The following EVC2 variants were observed in gnomAD, a reference collection of about 807,000 sequenced individuals.
EVC2 encodes the protein EvC ciliary complex subunit 2.
A neutral mutation model predicts 149.3 loss-of-function variants in EVC2; 148 were observed. That is an observed-to-expected ratio of 0.99 (90% confidence interval 0.87 to 1.14). The LOEUF is 1.14. EVC2 is among the 50% of genes most tolerant of loss of function. The probability of loss-of-function intolerance (pLI) is 0.00; values close to 1 mark genes in which losing one functional copy is unlikely to be tolerated. For missense variants in EVC2, 1,854 were observed against 1,627.3 expected (o/e 1.14, Z -2.40); for synonymous variants, 776 against 649.9 (o/e 1.19, Z -2.95).
intron 9 of EVC2, among the ~76,000 whole-genome samples, chr4:5,653,763 G>C (rs892367623): frequency 2.0e-5 from 3 of 152,208 alleles, no homozygotes; most frequent in Admixed American, 2.0e-4. Context: ...TTCTCTCAAT[G>C]TTTCTATAAA....
At chr4:5,573,675 A>G (rs985590673) in intron 19 of EVC2, among the ~76,000 whole-genome samples, 8 of 152,214 alleles carry the variant, frequency 5.3e-5, no homozygotes, top group Non-Finnish European at 1.0e-4. Flanking sequence ...AGCTGTGATA[A>G]GCTGCTGTTT....
chr4:5,707,368 C>T (rs1256814184), intron 1 of EVC2, among the ~76,000 whole-genome samples: 1 of 152,122 alleles, frequency 6.6e-6, no homozygotes, highest in Non-Finnish European at 1.5e-5. Flanking sequence ...CAGCAGGACA[C>T]GACCCACCAC....
At chr4:5,590,186 C>T (rs1210280500) in intron 16 of EVC2, among the ~76,000 whole-genome samples, 1 of 152,148 alleles carries the variant, frequency 6.6e-6, no homozygotes, top group Non-Finnish European at 1.5e-5. Context: ...AGAACCCATA[C>T]TGCAGAGGCC....
chr4:5,651,936 A>G (rs1577209381), intron 9 of EVC2, among the ~76,000 whole-genome samples: 1 of 152,248 alleles, frequency 6.6e-6, no homozygotes, highest in African/African-American at 2.4e-5. Context: ...ATATCTGATG[A>G]TTATAATCAG....
rs1017636621 is a variant in EVC2 at position 5,657,240 on chromosome 4, C to T, written c.1145+5867G>A. 5.9e-5 allele frequency among the ~76,000 whole-genome samples: 9 copies of T among 152,192 alleles called. No individual in the cohort carries two copies. Among genetic ancestry groups the T allele is most frequent in the Non-Finnish European group, 1.5e-5 (1 of 68,042 alleles). ...CTGCTTCACACTTTTTACATTCCCA[C>T]CTTTTCCTCCTCTGCTGTCCTCACC... On this transcript the variant is annotated intron_variant, in intron 9 of 21. Coordinates refer to ENST00000344408, the MANE Select transcript of EVC2 (RefSeq NM_147127.5). The surrounding 1 kb of genome is among the most constrained non-coding windows in gnomAD (Gnocchi z 4.7).
chr4:5,642,040 T>A (rs865790982), intron 9 of EVC2, among the ~76,000 whole-genome samples: 1 of 140,896 alleles, frequency 7.1e-6, no homozygotes, highest in Non-Finnish European at 1.5e-5. Context: ...ACATGCAGTG[T>A]TTGGTTTTCT....
At chr4:5,656,923 C>A (rs6847154) in intron 9 of EVC2, among the ~76,000 whole-genome samples, 4 of 152,052 alleles carry the variant, frequency 2.6e-5, no homozygotes, top group Non-Finnish European at 5.9e-5. Context: ...GCTCTGGTTC[C>A]GGTACCAGGA....
chr4:5,565,399 C>T (rs758216305), intron 20 of EVC2, 40 bp from the exon 21 acceptor site: 2 of 1,586,442 alleles, frequency 1.3e-6, no homozygotes, highest in African/African-American at 2.7e-5. Flanking sequence ...CAAAAATACG[C>T]CTGTAATCCC....
At chr4:5,701,636 G>T (rs1171570986) in intron 1 of EVC2, among the ~76,000 whole-genome samples, 1 of 152,122 alleles carries the variant, frequency 6.6e-6, no homozygotes, top group African/African-American at 2.4e-5. Flanking sequence ...AGATGTTAAA[G>T]GTCATTTATA....
chr4:5,609,205 C>T (rs183737651), intron 16 of EVC2, among the ~76,000 whole-genome samples: 1 of 152,162 alleles, frequency 6.6e-6, no homozygotes, highest in Admixed American at 6.5e-5. Context: ...ATCTATCTAC[C>T]CTCTTACCTC....
chr4:5,532,609 G>C, the EVC2 span, among the ~76,000 whole-genome samples: 1 of 152,172 alleles, frequency 6.6e-6, no homozygotes, highest in Non-Finnish European at 1.5e-5. Context: ...GCCGGGGTCA[G>C]TTGTGTCCTT....
intron 16 of EVC2, among the ~76,000 whole-genome samples, chr4:5,588,773 T>G (rs1007331909): frequency 1.3e-5 from 2 of 152,238 alleles, no homozygotes; most frequent in Non-Finnish European, 2.9e-5. Flanking sequence ...CTTCCATATC[T>G]ATACTTAACC....
chr4:5,689,007 G>A, intron 5 of EVC2, 150 bp downstream of exon 5: 3 of 820,998 alleles, frequency 3.7e-6, no homozygotes. Flanking sequence ...CTCTTTTTTT[G>A]ATACCCTGAT....
chr4:5,655,753 A>G (rs1266924751), intron 9 of EVC2, among the ~76,000 whole-genome samples: 16 of 131,110 alleles, frequency 1.2e-4, no homozygotes, highest in African/African-American at 3.1e-4. Context: ...TGGAAGGAAG[A>G]GAAGGAAGGA....
chr4:5,697,467 A>T, intron 2 of EVC2, 126 bp downstream of exon 2: 1 of 944,034 alleles, frequency 1.1e-6, no homozygotes, highest in Non-Finnish European at 1.7e-6. Flanking sequence ...GGAATGATCT[A>T]CTTGCCCAAA....
At chr4:5,601,557 G>T (rs1414097325) in intron 16 of EVC2, among the ~76,000 whole-genome samples, 1 of 151,208 alleles carries the variant, frequency 6.6e-6, no homozygotes, top group Admixed American at 6.6e-5. Context: ...GTCAACACTG[G>T]AATCCCGAGA....
At chr4:5,587,812 C>T (rs77847206) in intron 16 of EVC2, among the ~76,000 whole-genome samples, 2 of 152,062 alleles carry the variant, frequency 1.3e-5, no homozygotes, top group Non-Finnish European at 2.9e-5. Flanking sequence ...AGAAAGGAAC[C>T]GAACAGGACA....
In EVC2 at chr4:5,563,003, C is replaced by T; in HGVS notation, c.3772G>A (p.Val1258Ile). The T allele has an allele frequency of 6.2e-7, 1 of 1,614,226 alleles. No homozygotes were observed. ...AATAGATCAATGGTTTCTGCCCCTA[C>T]AATGGGTACAGGGGCCAGTTCGCCA... ...PIGELAPVPIVGAETIDLLNT... is the reference protein window; with the variant it reads ...PIGELAPVPIIGAETIDLLNT... Residue 1258 changes from valine to isoleucine, a missense_variant, in exon 22 of 22, where the codon GTA becomes ATA. Physicochemically the swap from Val to Ile is conservative, Grantham distance 29. Transcript: ENST00000344408.
chr4:5,595,907 G>A (rs1245681412), intron 16 of EVC2, among the ~76,000 whole-genome samples: 2 of 152,098 alleles, frequency 1.3e-5, no homozygotes, highest in African/African-American at 4.8e-5. Context: ...AAAAAAGGCA[G>A]GGGTTGCAAT....
Sources: gnomAD v4.1 joint callset for allele counts (sites outside exome capture counted in the v4.1 genomes callset) on GRCh38, gnomAD v4.1.1 for gene constraint, Gnocchi (gnomAD v3.1) non-coding constraint, MANE v1.5 for transcripts, NCBI Gene and HGNC (gene_info 2026-07-23, HGNC 2026-07-21) for gene names.